GNAL: variants seen among roughly 807,000 people sequenced by gnomAD.
The protein encoded by GNAL is G protein subunit alpha L, also known as guanine nucleotide-binding protein G(olf) subunit alpha.
GNAL carries 18 observed loss-of-function variants against 55.1 expected under a neutral mutation model. That is an observed-to-expected ratio of 0.33 (90% CI 0.23 to 0.48). The LOEUF (loss-of-function observed/expected upper bound fraction) is 0.48, where lower values mean the gene tolerates loss of function less well. Ranked by LOEUF, GNAL falls within the 20% of genes least tolerant of loss-of-function variation. The pLI is 0.99. For missense variants in GNAL, 412 were observed against 614.1 expected (o/e 0.67, Z 3.48); for synonymous variants, 253 against 237.0 (o/e 1.07, Z -0.62).
At chr18:11,804,645 G>C (rs1256410333) in intron 4 of GNAL, among the ~76,000 whole-genome samples, 5 of 84,402 alleles carry the variant, frequency 5.9e-5, no homozygotes, top group African/African-American at 3.2e-4. Flanking sequence ...GGAACACGGA[G>C]ATACTGTGTA....
chr18:11,746,651 A>C (rs570390480), intron 1 of GNAL: 209 of 247,420 alleles, frequency 8.4e-4, no homozygotes, highest in Non-Finnish European at 9.1e-4. Flanking sequence ...AAAAAGGAGA[A>C]GGACAATTTT....
chr18:11,796,600 A>AAAAAAAC (rs1210327904), intron 4 of GNAL, among the ~76,000 whole-genome samples: 1 of 149,776 alleles, frequency 6.7e-6, no homozygotes, highest in African/African-American at 2.5e-5. Context: ...AAAAAACAAA[A>AAAAAAAC]CACGCAACCT....
intron 1 of GNAL, among the ~76,000 whole-genome samples, chr18:11,729,200 C>G (rs992128079): frequency 9.2e-5 from 14 of 152,096 alleles, no homozygotes; most frequent in Non-Finnish European, 1.9e-4. Context: ...GGTACAACAT[C>G]TTCCATCAAA....
chr18:11,809,384 C>CA (rs2143558125), intron 4 of GNAL, among the ~76,000 whole-genome samples: 1 of 152,210 alleles, frequency 6.6e-6, no homozygotes, highest in African/African-American at 2.4e-5. Flanking sequence ...GATGAAGGCA[C>CA]AACTCTACAA....
At chr18:11,761,960 T>C (rs1233333197) in intron 4 of GNAL, among the ~76,000 whole-genome samples, 1 of 152,238 alleles carries the variant, frequency 6.6e-6, no homozygotes, top group Non-Finnish European at 1.5e-5. Flanking sequence ...TGAACGCCTG[T>C]GTCTTAGGCT....
At chr18:11,880,285 T>C (rs922635555) in intron 11 of GNAL, among the ~76,000 whole-genome samples, 2 of 136,186 alleles carry the variant, frequency 1.5e-5, no homozygotes, top group Admixed American at 7.8e-5. Context: ...ACAAGCTAAT[T>C]AGGTGGGGCA....
At chr18:11,821,254 T>C (rs1357833566) in intron 4 of GNAL, among the ~76,000 whole-genome samples, 1 of 152,234 alleles carries the variant, frequency 6.6e-6, no homozygotes, top group Non-Finnish European at 1.5e-5. Flanking sequence ...TCTAAAATAG[T>C]GGTTTTAAAG....
intron 4 of GNAL, among the ~76,000 whole-genome samples, chr18:11,786,789 TA>T (rs1249719877): frequency 6.6e-6 from 1 of 152,020 alleles, no homozygotes; most frequent in Non-Finnish European, 1.5e-5. Context: ...TTATATTTTA[TA>T]AACATCACTT....
intron 5 of GNAL, among the ~76,000 whole-genome samples, chr18:11,838,411 G>A (rs1206175161): frequency 6.6e-6 from 1 of 152,192 alleles, no homozygotes. Context: ...CTTGGGGGAT[G>A]AGGAATCGCT....
At position 11,880,910 on chromosome 18, in the gene GNAL, C is replaced by A. The variant is rs541683858; in HGVS notation, c.1231-79C>A. The A allele has an allele frequency of 1.0e-4, 152 of 1,462,172 alleles. 1 individual carries two copies. In the East Asian group the frequency reaches 3.5e-3, roughly 33 times the overall value. The allele number at this position is 1,462,172 out of a possible 1,614,324, so 90.6% of individuals were successfully genotyped here. ...GCCACTGTCACCAAAGCCTCCAGCA[C>A]CTGCTCAGCGTGGCCTAGTCCTTCC... On this transcript the variant is annotated intron_variant, in intron 11 of 11. Transcript: ENST00000334049.
intron 1 of GNAL, among the ~76,000 whole-genome samples, chr18:11,692,384 A>G (rs1048478392): frequency 6.6e-6 from 1 of 152,212 alleles, no homozygotes; most frequent in Non-Finnish European, 1.5e-5. Flanking sequence ...AAAAAACAGT[A>G]AACACTCAGG....
chr18:11,725,896 A>G (rs1163100856), intron 1 of GNAL, among the ~76,000 whole-genome samples: 1 of 152,254 alleles, frequency 6.6e-6, no homozygotes, highest in African/African-American at 2.4e-5. Flanking sequence ...CCCACCAGCA[A>G]TGAATGAGAG....
intron 4 of GNAL, among the ~76,000 whole-genome samples, chr18:11,777,704 C>G (rs2033821438): frequency 6.6e-6 from 1 of 152,126 alleles, no homozygotes; most frequent in Admixed American, 6.5e-5. Context: ...AGTAGGTAAA[C>G]TAGATGGGTA....
chr18:11,871,963 T>C (rs986719476), intron 9 of GNAL, among the ~76,000 whole-genome samples: 1 of 152,244 alleles, frequency 6.6e-6, no homozygotes, highest in African/African-American at 2.4e-5. Context: ...ATCCCTAATA[T>C]GAAAATGCAA....
At chr18:11,699,813 G>A (rs551538573) in intron 1 of GNAL, among the ~76,000 whole-genome samples, 4 of 152,182 alleles carry the variant, frequency 2.6e-5, no homozygotes, top group Non-Finnish European at 4.4e-5. Context: ...AATATACAAC[G>A]CCAAGAGGGA....
At chr18:11,701,472 T>A (rs893423208) in intron 1 of GNAL, among the ~76,000 whole-genome samples, 1 of 136,292 alleles carries the variant, frequency 7.3e-6, no homozygotes, top group African/African-American at 2.8e-5. Context: ...GTACCTATAA[T>A]CCCAGCTACT....
intron 4 of GNAL, among the ~76,000 whole-genome samples, chr18:11,820,919 T>C (rs2035074149): frequency 6.6e-6 from 1 of 152,170 alleles, no homozygotes; most frequent in Admixed American, 6.6e-5. Context: ...TATCAACACA[T>C]GCTCCAGAAA....
At chr18:11,743,717 A>G (rs866181519) in intron 1 of GNAL, among the ~76,000 whole-genome samples, 5 of 152,244 alleles carry the variant, frequency 3.3e-5, no homozygotes, top group African/African-American at 1.2e-4. Context: ...TGTAGTCCAA[A>G]ATGCTGCTAG....
intron 1 of GNAL, among the ~76,000 whole-genome samples, chr18:11,696,770 G>T (rs768912972): frequency 6.6e-6 from 1 of 152,126 alleles, no homozygotes; most frequent in Non-Finnish European, 1.5e-5. Flanking sequence ...CAACCCTCTC[G>T]TGTTTATTCA....
Sources: gnomAD v4.1 joint callset for allele counts (sites outside exome capture counted in the v4.1 genomes callset) on GRCh38, gnomAD v4.1.1 for gene constraint, MANE v1.5 for transcripts, NCBI Gene and HGNC (gene_info 2026-07-23, HGNC 2026-07-21) for gene names.